ZC3H11A: variants seen among roughly 807,000 people sequenced by gnomAD.
ZC3H11A encodes the protein zinc finger CCCH domain-containing protein 11A.
A neutral mutation model predicts 90.8 loss-of-function variants in ZC3H11A; 22 were observed. The observed-to-expected ratio is 0.24, with a 90% CI of 0.17 to 0.35. The LOEUF (loss-of-function observed/expected upper bound fraction) is 0.35, where lower values mean the gene tolerates loss of function less well. Ranked by LOEUF, ZC3H11A falls within the 10% of genes least tolerant of loss-of-function variation. The pLI, the probability that ZC3H11A is intolerant of heterozygous loss-of-function variation, is 1.00. For missense variants in ZC3H11A, 701 were observed against 964.9 expected, an observed-to-expected ratio of 0.73 and a Z score of 3.62; for synonymous variants, 294 against 339.8, an observed-to-expected ratio of 0.87 and a Z score of 1.48.
At chr1:203,809,408 C>G (rs897825250) in intron 2 of ZC3H11A, among the ~76,000 whole-genome samples, 3 of 151,464 alleles carry the variant, frequency 2.0e-5, no homozygotes, top group Admixed American at 1.3e-4. Context: ...AACTCCTGAC[C>G]TCGTGATCCG....
chr1:203,828,780 T>G (rs1572166794), intron 5 of ZC3H11A, among the ~76,000 whole-genome samples: 1 of 152,208 alleles, frequency 6.6e-6, no homozygotes, highest in East Asian at 1.9e-4. Flanking sequence ...GCCCATTCAT[T>G]TACATATTTT....
At chr1:203,804,739 C>T (rs1671693256) in intron 2 of ZC3H11A, among the ~76,000 whole-genome samples, 1 of 145,780 alleles carries the variant, frequency 6.9e-6, no homozygotes, top group African/African-American at 2.6e-5. Flanking sequence ...ATGGTGCTGT[C>T]TTGGCTCATT....
At chr1:203,831,283 A>G (rs1449046087) in intron 8 of ZC3H11A, among the ~76,000 whole-genome samples, 1 of 152,108 alleles carries the variant, frequency 6.6e-6, no homozygotes, top group East Asian at 1.9e-4. Flanking sequence ...CTTGCTTTAT[A>G]GCAACCTTGG....
intron 1 of ZC3H11A, chr1:203,799,313 C>G (rs751867500): frequency 2.8e-6 from 2 of 711,560 alleles, no homozygotes; most frequent in Non-Finnish European, 5.1e-6. Flanking sequence ...ACTTTTTCTG[C>G]GAGCACAAAA....
At chr1:203,796,256 C>T (rs888918716) in intron 1 of ZC3H11A, 5 of 394,916 alleles carry the variant, frequency 1.3e-5, no homozygotes, top group Non-Finnish European at 2.2e-5. Context: ...AGACTGAGTG[C>T]CGGGCGCTGA....
At chr1:203,798,705 C>T (rs750401100) in intron 1 of ZC3H11A, 1 of 1,536,074 alleles carries the variant, frequency 6.5e-7, no homozygotes, top group South Asian at 1.2e-5. Context: ...GATGCGTGCG[C>T]AGGAGAGAGA....
At chr1:203,818,287 A>G (rs374663840) in intron 3 of ZC3H11A, among the ~76,000 whole-genome samples, 66 of 152,288 alleles carry the variant, frequency 4.3e-4, no homozygotes, top group African/African-American at 1.5e-3. Context: ...TGTAAAATAC[A>G]TTTTTAAAGA....
intron 2 of ZC3H11A, among the ~76,000 whole-genome samples, chr1:203,808,368 A>AT (rs1673093297): frequency 6.6e-6 from 1 of 152,018 alleles, no homozygotes; most frequent in Admixed American, 6.6e-5. Flanking sequence ...AGTTTGTATG[A>AT]TTTTGTCTTT....
chr1:203,816,898 A>AT (rs1381608842), intron 2 of ZC3H11A, 28 bp from the exon 3 acceptor site: 1 of 519,054 alleles, frequency 1.9e-6, no homozygotes, highest in African/African-American at 2.0e-5. Context: ...TACCTGAAAT[A>AT]TTTTAATTCA....
At chr1:203,818,317 G>A (rs995110703) in intron 3 of ZC3H11A, among the ~76,000 whole-genome samples, 10 of 149,782 alleles carry the variant, frequency 6.7e-5, no homozygotes, top group African/African-American at 2.2e-4. Context: ...ACTCCTACTT[G>A]TCTTTTTCAA....
In ZC3H11A at chr1:203,825,342, T is replaced by C. The variant is rs117860856; in HGVS notation, c.175-2957T>C. On this transcript the variant is annotated intron_variant, in intron 4 of 17. Coordinates refer to ENST00000367210, the MANE Select transcript of ZC3H11A (RefSeq NM_001376342.1). ...ACATAACTACTGCAAATAATGAGAA[T>C]CAACTGTTTTATCTTTGGATCATGT... 6.2e-3 allele frequency among the ~76,000 whole-genome samples: 940 copies of C among 151,714 alleles called. 14 individuals carry two copies. The highest frequency in any genetic ancestry group is 0.042 in the East Asian group (217 of 5,150).
intron 4 of ZC3H11A, among the ~76,000 whole-genome samples, chr1:203,821,720 A>G (rs369343867): frequency 5.3e-5 from 8 of 151,636 alleles, no homozygotes; most frequent in African/African-American, 1.9e-4. Context: ...ATATAAATGT[A>G]TACACTTAAC....
In ZC3H11A at chr1:203,851,067, CG is replaced by C; in HGVS notation, c.2118del (p.Val708SerfsTer43). ...PAKKAAVAVV[P>X]LVSEDKSVTV... is the part of the protein sequence containing the mutation. ...CTCTTCCTTTTGTAGGCTGTTGTCC[CG>C]CTTGTCTCTGAGGACAAATCAGTCA... On this transcript the variant is annotated frameshift_variant, in exon 17 of 18. Coordinates refer to ENST00000367210, the MANE Select transcript of ZC3H11A (RefSeq NM_001376342.1). LOFTEE classifies it high-confidence loss of function. 1 of 1,614,088 alleles carries C rather than the reference CG, an allele frequency of 6.2e-7. No individual in the cohort carries two copies. Among genetic ancestry groups the C allele is most frequent in the Non-Finnish European group, 8.5e-7 (1 of 1,180,012 alleles).
intron 2 of ZC3H11A, among the ~76,000 whole-genome samples, chr1:203,812,411 TA>T (rs1246265019): frequency 6.6e-6 from 1 of 152,132 alleles, no homozygotes; most frequent in Non-Finnish European, 1.5e-5. Flanking sequence ...TTGCTAAGGA[TA>T]ATAGCCTCTG....
intron 8 of ZC3H11A, among the ~76,000 whole-genome samples, chr1:203,830,662 A>G (rs1253108529): frequency 6.6e-6 from 1 of 152,078 alleles, no homozygotes; most frequent in East Asian, 1.9e-4. Flanking sequence ...ACAAAAAATT[A>G]GCCAGGCGGG....
At chr1:203,797,664 G>A (rs1347251661) in intron 1 of ZC3H11A, 1 of 1,536,048 alleles carries the variant, frequency 6.5e-7, no homozygotes, top group African/African-American at 1.4e-5. Flanking sequence ...GGAAAAGATG[G>A]TAGCAGAAGG....
intron 2 of ZC3H11A, among the ~76,000 whole-genome samples, chr1:203,810,678 CAAA>C (rs1384493032): frequency 6.6e-6 from 1 of 152,124 alleles, no homozygotes; most frequent in African/African-American, 2.4e-5. Context: ...CTCGGACTCC[CAAA>C]ATGCTGGGAA....
Position 203,811,865 on chromosome 1 carries a change from G to A in ZC3H11A, c.-145-5061G>A, listed in dbSNP as rs567614042. 4.6e-5 allele frequency among the ~76,000 whole-genome samples: 7 copies of A among 151,156 alleles called. No individual in the cohort carries two copies. The South Asian group carries it at 1.5e-3, about 32-fold the overall frequency. On this transcript the variant is annotated intron_variant, in intron 2 of 17. Coordinates refer to ENST00000367210, the MANE Select transcript of ZC3H11A (RefSeq NM_001376342.1). ...ACAGGTCTCACTGTCACCCAGGCTG[G>A]AGTGCAGTAGTGTGATCTTGGTTCA... is the stretch of plus-strand genomic sequence containing the variant.
chr1:203,808,618 A>C (rs1673172907), intron 2 of ZC3H11A, among the ~76,000 whole-genome samples: 1 of 152,186 alleles, frequency 6.6e-6, no homozygotes, highest in East Asian at 1.9e-4. Context: ...TTTCCCTCTT[A>C]GTGACATATG....
Sources: allele counts gnomAD v4.1 joint callset (sites outside exome capture counted in the v4.1 genomes callset), GRCh38; gene constraint gnomAD v4.1.1; transcripts MANE v1.5; gene names NCBI Gene and HGNC (gene_info 2026-07-23, HGNC 2026-07-21).